ZNF827: variants seen among roughly 807,000 people sequenced by gnomAD.
The protein encoded by ZNF827 is zinc finger protein 827.
Under a neutral mutation model 102.4 loss-of-function variants are expected in ZNF827, and 13 were observed. The ratio of observed to expected loss-of-function variants is 0.13; its 90% CI spans 0.08 to 0.20. ZNF827 has a LOEUF of 0.20. Among genes scored for constraint, ZNF827 ranks in the 10% least tolerant of loss-of-function variants. The probability of loss-of-function intolerance (pLI) is 1.00; values close to 1 mark genes in which losing one functional copy is unlikely to be tolerated. For synonymous variants in ZNF827, 523 were observed against 536.2 expected, an observed-to-expected ratio of 0.98 and a Z score of 0.34; for missense variants, 1,103 against 1,344.4, an observed-to-expected ratio of 0.82 and a Z score of 2.81.
At chr4:145,833,775 C>T (rs1308613736) in intron 7 of ZNF827, among the ~76,000 whole-genome samples, 1 of 151,846 alleles carries the variant, frequency 6.6e-6, no homozygotes, top group African/African-American at 2.4e-5. Context: ...GCACCCCAAC[C>T]TCTTTTATCT....
Position 145,903,310 on chromosome 4 carries a change from C to A in ZNF827, c.44-95G>T. ...GGAGGTGATGACATGCTTTCTCTTC[C>A]CTTCCACCCAAGAACCAAATGAAAG... On this transcript the variant is annotated intron_variant, in intron 1 of 14. Transcript: ENST00000508784. The A allele has an allele frequency of 2.0e-6, 3 of 1,474,868 alleles. No individual in the cohort carries two copies. The South Asian group carries it at 4.2e-5, about 21-fold the overall frequency. The allele number at this position is 1,474,868 out of a possible 1,614,324, so 91.4% of individuals were successfully genotyped here.
chr4:145,820,105 C>T (rs959160446), intron 8 of ZNF827: 3 of 152,872 alleles, frequency 2.0e-5, no homozygotes, highest in Non-Finnish European at 4.4e-5. Flanking sequence ...GCCTGAAACA[C>T]AAGCACAACA....
At chr4:145,856,058 A>C (rs914796171) in intron 5 of ZNF827, among the ~76,000 whole-genome samples, 5 of 151,686 alleles carry the variant, frequency 3.3e-5, no homozygotes, top group African/African-American at 1.2e-4. Flanking sequence ...GCAATGGCGC[A>C]AGCTTGGCTC....
intron 8 of ZNF827, 97 bp downstream of exon 8, chr4:145,823,325 A>G: frequency 3.0e-6 from 3 of 996,822 alleles, no homozygotes; most frequent in African/African-American, 1.6e-5. Flanking sequence ...ATGAATAACT[A>G]CATCCGTAAG....
intron 5 of ZNF827, among the ~76,000 whole-genome samples, chr4:145,865,415 C>A (rs1748096885): frequency 6.6e-6 from 1 of 152,200 alleles, no homozygotes; most frequent in African/African-American, 2.4e-5. Flanking sequence ...TTAACCACTT[C>A]CTCAGCACAG....
At chr4:145,909,921 C>A (rs1421824450) in intron 1 of ZNF827, among the ~76,000 whole-genome samples, 1 of 152,178 alleles carries the variant, frequency 6.6e-6, no homozygotes, top group Non-Finnish European at 1.5e-5. Context: ...ATGGGCTTCA[C>A]AGGACAGAGA....
intron 4 of ZNF827, among the ~76,000 whole-genome samples, chr4:145,884,726 A>G (rs1749959947): frequency 6.6e-6 from 1 of 152,218 alleles, no homozygotes; most frequent in Non-Finnish European, 1.5e-5. Flanking sequence ...TTGGGAAAAA[A>G]TGATAAAAAA....
At chr4:145,777,648 G>T (rs1279938821) in intron 9 of ZNF827, among the ~76,000 whole-genome samples, 1 of 151,950 alleles carries the variant, frequency 6.6e-6, no homozygotes, top group Non-Finnish European at 1.5e-5. Flanking sequence ...TCCTAACTTT[G>T]AGTATTTTTG....
chr4:145,878,373 A>G (rs919481048), intron 4 of ZNF827, among the ~76,000 whole-genome samples: 1 of 152,130 alleles, frequency 6.6e-6, no homozygotes, highest in Non-Finnish European at 1.5e-5. Flanking sequence ...GAAGACTGTT[A>G]ACAGTTTTCT....
At chr4:145,885,222 T>A (rs1322899434) in intron 4 of ZNF827, among the ~76,000 whole-genome samples, 1 of 152,158 alleles carries the variant, frequency 6.6e-6, no homozygotes, top group Non-Finnish European at 1.5e-5. Context: ...AATAGTAGTC[T>A]TTGTATATAT....
chr4:145,816,974 T>C (rs1679409073), intron 8 of ZNF827, among the ~76,000 whole-genome samples: 1 of 152,240 alleles, frequency 6.6e-6, no homozygotes, highest in Admixed American at 6.5e-5. Flanking sequence ...TGTGCACTCC[T>C]ATTAGCCTGA....
chr4:145,938,286 C>G (rs1323964213), intron 1 of ZNF827, 79 bp downstream of exon 1: 31 of 1,550,460 alleles, frequency 2.0e-5, no homozygotes, highest in East Asian at 1.8e-4. Flanking sequence ...CAGAAAACAA[C>G]GGAGGAGGCT....
At chr4:145,780,686 GAGA>G (rs775232828) in intron 8 of ZNF827, among the ~76,000 whole-genome samples, 10 of 152,216 alleles carry the variant, frequency 6.6e-5, no homozygotes, top group Admixed American at 4.6e-4. Context: ...ACCAGAAAGA[GAGA>G]AGGAGACACT....
intron 7 of ZNF827, among the ~76,000 whole-genome samples, chr4:145,829,044 A>G (rs1013880226): frequency 6.6e-6 from 1 of 152,238 alleles, no homozygotes; most frequent in African/African-American, 2.4e-5. Flanking sequence ...CAGCAATAAC[A>G]AAACCAAAAG....
chr4:145,793,781 A>G (rs1256139518), intron 8 of ZNF827, among the ~76,000 whole-genome samples: 3 of 152,248 alleles, frequency 2.0e-5, no homozygotes, highest in Middle Eastern at 6.8e-3. Context: ...TAAAAGTTCA[A>G]CCTCAAAAGG....
intron 3 of ZNF827, 67 bp from the exon 4 acceptor site, chr4:145,886,225 C>T: frequency 6.6e-7 from 1 of 1,509,896 alleles, no homozygotes. Context: ...GCTGTAGATC[C>T]AGACTATTCA....
chr4:145,864,109 C>T (rs1390869507), intron 5 of ZNF827, among the ~76,000 whole-genome samples: 1 of 151,832 alleles, frequency 6.6e-6, no homozygotes. Context: ...CATAGAATTG[C>T]TTGAACCCAG....
intron 1 of ZNF827, among the ~76,000 whole-genome samples, chr4:145,917,277 C>T (rs149922848): frequency 2.2e-4 from 33 of 152,282 alleles, no homozygotes; most frequent in African/African-American, 7.5e-4. Context: ...ACAAAACACG[C>T]ACGACCAGAT....
chr4:145,897,335 C>T (rs1310950301), intron 2 of ZNF827, among the ~76,000 whole-genome samples: 1 of 152,296 alleles, frequency 6.6e-6, no homozygotes, highest in South Asian at 2.1e-4. Context: ...AATCAAACTT[C>T]CTGTTGTTCA....
Sources: allele counts gnomAD v4.1 joint callset (sites outside exome capture counted in the v4.1 genomes callset), GRCh38; gene constraint gnomAD v4.1.1; transcripts MANE v1.5; gene names NCBI Gene and HGNC (gene_info 2026-07-23, HGNC 2026-07-21).